The following NUDT3 variants were observed in gnomAD, a reference collection of about 807,000 sequenced individuals.
NUDT3 encodes the protein diphosphoinositol polyphosphate phosphohydrolase 1.
Under a neutral mutation model 23.6 loss-of-function variants are expected in NUDT3, and 9 were observed. That is an observed-to-expected ratio of 0.38 (90% CI 0.23 to 0.66). NUDT3 has a LOEUF of 0.66. NUDT3 is among the 30% of genes least tolerant of loss of function. The pLI, the probability that NUDT3 is intolerant of heterozygous loss-of-function variation, is 0.52. For synonymous variants in NUDT3, 86 were observed against 82.6 expected (o/e 1.04, Z -0.22); for missense variants, 172 against 218.5 (o/e 0.79, Z 1.34).
intron 1 of NUDT3, among the ~76,000 whole-genome samples, chr6:34,354,716 C>CT (rs1437014098): frequency 2.3e-5 from 3 of 131,600 alleles, no homozygotes; most frequent in African/African-American, 8.3e-5. Flanking sequence ...GAGCAAGACT[C>CT]TATCTCGGGG....
At chr6:34,366,161 GTT>G (rs1250276414) in intron 1 of NUDT3, among the ~76,000 whole-genome samples, 1 of 150,708 alleles carries the variant, frequency 6.6e-6, no homozygotes, top group East Asian at 2.0e-4. Flanking sequence ...GAGCCCAGGA[GTT>G]CAAAACCAGC....
chr6:34,301,770 ATACACTCTCCAAAG>A (rs567201695), intron 2 of NUDT3, among the ~76,000 whole-genome samples: 192 of 152,342 alleles, frequency 1.3e-3, no homozygotes, highest in Non-Finnish European at 2.2e-3. Context: ...CAGCAAACTG[ATACACTCTCCAAAG>A]TACACAGGCA....
At chr6:34,344,511 C>A (rs1316251968) in intron 1 of NUDT3, among the ~76,000 whole-genome samples, 1 of 152,062 alleles carries the variant, frequency 6.6e-6, no homozygotes, top group Non-Finnish European at 1.5e-5. Context: ...TCCAGAGAAA[C>A]AGAAACCAGA....
At chr6:34,297,759 A>ATTTTTTTT (rs60517827) in intron 2 of NUDT3, among the ~76,000 whole-genome samples, 1 of 71,132 alleles carries the variant, frequency 1.4e-5, no homozygotes, top group African/African-American at 6.6e-5. Context: ...ATATATATAT[A>ATTTTTTTT]ATTTTTTTTT....
At chr6:34,347,416 G>A (rs1218154731) in intron 1 of NUDT3, among the ~76,000 whole-genome samples, 1 of 152,020 alleles carries the variant, frequency 6.6e-6, no homozygotes, top group Non-Finnish European at 1.5e-5. Flanking sequence ...CTACGCAGAA[G>A]TGGATAGAGA....
At chr6:34,342,525 C>T (rs1394516033) in intron 1 of NUDT3, among the ~76,000 whole-genome samples, 1 of 152,144 alleles carries the variant, frequency 6.6e-6, no homozygotes, top group Non-Finnish European at 1.5e-5. Flanking sequence ...TTCTCTTGGC[C>T]ACATGAGAAG....
chr6:34,379,420 C>T (rs886164821), intron 1 of NUDT3, among the ~76,000 whole-genome samples: 1 of 151,740 alleles, frequency 6.6e-6, no homozygotes, highest in Non-Finnish European at 1.5e-5. Context: ...ATTAGCTGGG[C>T]GTGTTAGCAG....
At chr6:34,295,950 G>T (rs1763492820) in intron 2 of NUDT3, among the ~76,000 whole-genome samples, 1 of 152,120 alleles carries the variant, frequency 6.6e-6, no homozygotes, top group Non-Finnish European at 1.5e-5. Context: ...AGCAGAGCAA[G>T]ATCATCAGGC....
At chr6:34,308,735 C>A (rs1763722950) in intron 2 of NUDT3, among the ~76,000 whole-genome samples, 1 of 152,128 alleles carries the variant, frequency 6.6e-6, no homozygotes, top group Admixed American at 6.6e-5. Flanking sequence ...GTCAGTTCTA[C>A]AAGATGACAT....
rs186384268 is a variant in NUDT3, at chr6:34,389,894, G to A, written c.99+2370C>T. ...CAGGAGAATGGCGTGAATCCGGGAG[G>A]CGGAGCTTGCAGTGAGCCGAGATGG... On this transcript the variant is annotated intron_variant, in intron 1 of 4. Coordinates refer to ENST00000607016, the MANE Select transcript of NUDT3 (RefSeq NM_006703.4). Among the ~76,000 whole-genome samples, 84 of 152,068 alleles carry A rather than the reference G, an allele frequency of 5.5e-4. 1 individual carries two copies. Among genetic ancestry groups the A allele is most frequent in the South Asian group, 2.1e-3 (10 of 4,814 alleles).
chr6:34,320,914 A>T (rs143459262), intron 2 of NUDT3, among the ~76,000 whole-genome samples: 318 of 152,272 alleles, frequency 2.1e-3, no homozygotes, highest in Middle Eastern at 3.4e-3. Context: ...TGGTGAAAAA[A>T]GCACTTACAT....
chr6:34,356,677 T>C (rs901980344), intron 1 of NUDT3, among the ~76,000 whole-genome samples: 1 of 152,070 alleles, frequency 6.6e-6, no homozygotes, highest in Non-Finnish European at 1.5e-5. Flanking sequence ...ACCAACTCAC[T>C]AATTTGGGGA....
At chr6:34,310,493 C>T (rs553746709) in intron 2 of NUDT3, among the ~76,000 whole-genome samples, 2 of 152,282 alleles carry the variant, frequency 1.3e-5, no homozygotes, top group Non-Finnish European at 2.9e-5. Flanking sequence ...CATGCCACTG[C>T]ACTCCAGCCT....
chr6:34,374,759 C>T (rs760509678), intron 1 of NUDT3, among the ~76,000 whole-genome samples: 3 of 152,144 alleles, frequency 2.0e-5, no homozygotes, highest in Non-Finnish European at 2.9e-5. Flanking sequence ...TTCCTGCCTT[C>T]GTTACAGCAC....
rs1763290606 is a variant in NUDT3, at chr6:34,282,476, A to G, written c.*6277T>C. On this transcript the variant is annotated 3_prime_UTR_variant, in exon 5 of 5. Coordinates refer to ENST00000607016, the MANE Select transcript of NUDT3 (RefSeq NM_006703.4). The stretch of plus-strand genomic sequence containing the variant: ...TTGCTTTTTTTCCTCAGAATTCCAC[A>G]AAGGCTTAAGAGTGATCTAAATGCC... The G allele has an allele frequency of 6.6e-6, 1 of 152,210 alleles. No homozygotes were observed. 9.4% of individuals were successfully genotyped at this position (152,210 alleles called of 1,614,324 possible). A position where few individuals can be genotyped will look rare whatever the true frequency, so the allele number is the denominator to read the frequency against.
intron 2 of NUDT3, among the ~76,000 whole-genome samples, chr6:34,337,245 C>A (rs947427949): frequency 1.3e-5 from 2 of 152,048 alleles, no homozygotes; most frequent in African/African-American, 4.8e-5. Context: ...CCTCTGACTG[C>A]AGAAAAAAAA....
intron 2 of NUDT3, among the ~76,000 whole-genome samples, chr6:34,322,197 G>A (rs1763952532): frequency 6.6e-6 from 1 of 151,972 alleles, no homozygotes; most frequent in African/African-American, 2.4e-5. Context: ...AACAAAACCA[G>A]GATGTGAGGC....
intron 1 of NUDT3, among the ~76,000 whole-genome samples, chr6:34,372,414 T>C (rs1261077067): frequency 6.6e-6 from 1 of 152,156 alleles, no homozygotes; most frequent in African/African-American, 2.4e-5. Context: ...TGTTGTTTCC[T>C]GACTTTTTAA....
intron 2 of NUDT3, among the ~76,000 whole-genome samples, chr6:34,329,775 A>G (rs1050853077): frequency 7.2e-5 from 11 of 152,064 alleles, no homozygotes; most frequent in African/African-American, 2.7e-4. Context: ...TACATTAGGT[A>G]TATCTCCTAA....
Sources: allele counts gnomAD v4.1 joint callset (sites outside exome capture counted in the v4.1 genomes callset), GRCh38; gene constraint gnomAD v4.1.1; transcripts MANE v1.5; gene names NCBI Gene and HGNC (gene_info 2026-07-23, HGNC 2026-07-21).